The following AUTS2 variants were observed in gnomAD, a reference collection of about 807,000 sequenced individuals.
The protein encoded by AUTS2 is autism susceptibility gene 2 protein.
In AUTS2, 17 loss-of-function variants were observed where a neutral mutation model predicts 112.4. The ratio of observed to expected loss-of-function variants is 0.15; its 90% CI spans 0.10 to 0.23. The LOEUF is 0.23. Ranked by LOEUF, AUTS2 falls within the 10% of genes least tolerant of loss-of-function variation. The pLI, the probability that AUTS2 is intolerant of heterozygous loss-of-function variation, is 1.00. For missense variants in AUTS2, 1,510 were observed against 1,701.6 expected (o/e 0.89, Z 1.98); for synonymous variants, 751 against 702.7 (o/e 1.07, Z -1.09).
intron 2 of AUTS2, among the ~76,000 whole-genome samples, chr7:70,030,920 T>G (rs527888175): frequency 6.6e-6 from 1 of 152,242 alleles, no homozygotes; most frequent in Admixed American, 6.6e-5. Context: ...TGTCTTGGGT[T>G]GTATGGGACC....
chr7:70,642,525 TGTGTCCTC>T (rs1563095810), intron 5 of AUTS2, among the ~76,000 whole-genome samples: 1 of 152,060 alleles, frequency 6.6e-6, no homozygotes, highest in Non-Finnish European at 1.5e-5. Flanking sequence ...TATTTCCAAT[TGTGTCCTC>T]AACCAGGTGT....
At chr7:70,649,255 C>T (rs1563101450) in intron 5 of AUTS2, among the ~76,000 whole-genome samples, 2 of 148,990 alleles carry the variant, frequency 1.3e-5, no homozygotes, top group Admixed American at 1.3e-4. Context: ...GGCAACATCA[C>T]GAAACCCCAT....
chr7:70,466,945 A>C (rs1797190405), intron 5 of AUTS2, among the ~76,000 whole-genome samples: 2 of 152,206 alleles, frequency 1.3e-5, no homozygotes, highest in South Asian at 4.1e-4. Flanking sequence ...ATGGTGACTC[A>C]GAGTAGGCAA....
intron 1 of AUTS2, among the ~76,000 whole-genome samples, chr7:69,668,167 T>G (rs1796157135): frequency 6.6e-6 from 1 of 152,234 alleles, no homozygotes; most frequent in Non-Finnish European, 1.5e-5. Flanking sequence ...GTTGTTGGGC[T>G]AGCTTGCTCT....
At chr7:70,657,923 G>C (rs368198320) in intron 5 of AUTS2, among the ~76,000 whole-genome samples, 1 of 152,122 alleles carries the variant, frequency 6.6e-6, no homozygotes. Flanking sequence ...CAAGTGACTC[G>C]TTTCCCAATC....
chr7:70,787,002 A>AG (rs1791542015), intron 17 of AUTS2: 1 of 657,624 alleles, frequency 1.5e-6, no homozygotes, highest in Non-Finnish European at 2.7e-6. Context: ...GGTTTTAAAA[A>AG]GAAAAAAAAA....
intron 3 of AUTS2, among the ~76,000 whole-genome samples, chr7:70,133,219 G>C (rs1806369496): frequency 6.6e-6 from 1 of 152,168 alleles, no homozygotes; most frequent in African/African-American, 2.4e-5. Context: ...GAAGCATACT[G>C]TTCTTGTTTG....
chr7:69,760,823 AAATAAT>A (rs937952064), intron 1 of AUTS2, among the ~76,000 whole-genome samples: 2 of 152,234 alleles, frequency 1.3e-5, no homozygotes, highest in Non-Finnish European at 2.9e-5. Context: ...CCGTCTCAAA[AAATAAT>A]AATAATAATT....
At chr7:70,639,779 A>T (rs541521779) in intron 5 of AUTS2, among the ~76,000 whole-genome samples, 2 of 151,184 alleles carry the variant, frequency 1.3e-5, no homozygotes, top group African/African-American at 4.9e-5. Flanking sequence ...TTTCTTTCTG[A>T]GGGGACTATA....
chr7:70,497,718 G>A (rs1232405097), intron 5 of AUTS2, among the ~76,000 whole-genome samples: 2 of 152,110 alleles, frequency 1.3e-5, no homozygotes, highest in Non-Finnish European at 2.9e-5. Context: ...GCTGAGTCAG[G>A]GATTCTGGAC....
chr7:69,899,572 T>C, intron 2 of AUTS2, 74 bp downstream of exon 2: 1 of 1,411,126 alleles, frequency 7.1e-7, no homozygotes, highest in Non-Finnish European at 9.9e-7. Flanking sequence ...ACTGTGGTTT[T>C]TCGTAACAGG....
At chr7:70,089,407 T>G (rs1290020534) in intron 2 of AUTS2, among the ~76,000 whole-genome samples, 4 of 152,170 alleles carry the variant, frequency 2.6e-5, no homozygotes, top group African/African-American at 9.6e-5. Flanking sequence ...ATATATTTTG[T>G]CTGCTATTGA....
intron 5 of AUTS2, among the ~76,000 whole-genome samples, chr7:70,444,930 G>T (rs1016099708): frequency 1.3e-5 from 2 of 151,938 alleles, no homozygotes; most frequent in Admixed American, 6.6e-5. Flanking sequence ...CTAATTTCCT[G>T]GTCTAAAAAT....
chr7:70,503,469 G>C (rs1048460366), intron 5 of AUTS2, among the ~76,000 whole-genome samples: 4 of 151,598 alleles, frequency 2.6e-5, no homozygotes, highest in African/African-American at 9.7e-5. Flanking sequence ...GAGAGGTTGA[G>C]GTGGGAGGAT....
At chr7:70,545,543 A>C (rs1411539852) in intron 5 of AUTS2, among the ~76,000 whole-genome samples, 1 of 152,194 alleles carries the variant, frequency 6.6e-6, no homozygotes, top group East Asian at 1.9e-4. Context: ...AACCTCATTC[A>C]CCCTTCTGTG....
At chr7:70,400,562 T>C (rs1794282789) in intron 4 of AUTS2, among the ~76,000 whole-genome samples, 1 of 152,118 alleles carries the variant, frequency 6.6e-6, no homozygotes, top group South Asian at 2.1e-4. Context: ...ACAAGGTTCA[T>C]GCTGAGGTAG....
chr7:70,045,028 C>T (rs1043271752), intron 2 of AUTS2, among the ~76,000 whole-genome samples: 1 of 151,496 alleles, frequency 6.6e-6, no homozygotes, highest in African/African-American at 2.4e-5. Context: ...AAAGTGTTAC[C>T]GGACCTATTC....
intron 4 of AUTS2, among the ~76,000 whole-genome samples, chr7:70,432,678 C>T (rs369504329): frequency 5.9e-5 from 9 of 152,268 alleles, no homozygotes; most frequent in Non-Finnish European, 8.8e-5. Context: ...GCAAGGCAAA[C>T]GTTAGGCGCT....
At chr7:70,783,275 T>C (rs1479970030) in intron 15 of AUTS2, 1 of 152,174 alleles carries the variant, frequency 6.6e-6, no homozygotes, top group Non-Finnish European at 1.5e-5. Flanking sequence ...GGGGTATCAT[T>C]TTTACACTTC....
Sources: gnomAD v4.1 joint callset for allele counts (sites outside exome capture counted in the v4.1 genomes callset) on GRCh38, gnomAD v4.1.1 for gene constraint, MANE v1.5 for transcripts, NCBI Gene and HGNC (gene_info 2026-07-23, HGNC 2026-07-21) for gene names.